Variants in HEATR5B observed in about 807,000 individuals in gnomAD.
HEATR5B encodes the protein HEAT repeat containing 5B, also known as HEAT repeat-containing protein 5B.
A neutral mutation model predicts 224.1 loss-of-function variants in HEATR5B; 156 were observed. That is an observed-to-expected ratio of 0.70 (90% CI 0.61 to 0.80). The LOEUF is 0.80. Among genes scored for constraint, HEATR5B ranks in the 30% least tolerant of loss-of-function variants. The probability of loss-of-function intolerance (pLI) is 0.00; values close to 1 mark genes in which losing one functional copy is unlikely to be tolerated. For synonymous variants in HEATR5B, 1,027 were observed against 893.0 expected (o/e 1.15, Z -2.68); for missense variants, 2,323 against 2,535.5 (o/e 0.92, Z 1.80).
In HEATR5B at chr2:37,028,929, T is replaced by C. The variant is rs761864303; in HGVS notation, c.3362-9A>G. 2.5e-6 allele frequency: 4 copies of C among 1,611,972 alleles called. No homozygotes were observed. The highest frequency in any genetic ancestry group is 1.3e-5 in the African/African-American group (1 of 74,888). ...GGCAAAAGGACTGACATCTGAAAGG[T>C]AATTTTTACAAATGAATTTGTATGG... On this transcript the variant is annotated splice_polypyrimidine_tract_variant and intron_variant, in intron 22 of 35. Coordinates refer to ENST00000233099, the MANE Select transcript of HEATR5B (RefSeq NM_019024.3).
chr2:37,083,593 G>A (rs1672761672), intron 1 of HEATR5B, among the ~76,000 whole-genome samples, 157 bp from the exon 2 acceptor site: 1 of 152,082 alleles, frequency 6.6e-6, no homozygotes, highest in Non-Finnish European at 1.5e-5. Flanking sequence ...ACTTTTAAAT[G>A]ACAAAAATAC....
intron 35 of HEATR5B, among the ~76,000 whole-genome samples, chr2:36,986,861 C>T (rs572236999): frequency 6.6e-5 from 10 of 152,210 alleles, no homozygotes; most frequent in African/African-American, 2.2e-4. Flanking sequence ...AGATGATCTG[C>T]CTGCCTTGGC....
At chr2:37,053,417 C>G in intron 17 of HEATR5B, 85 bp downstream of exon 17, 1 of 642,192 alleles carries the variant, frequency 1.6e-6, no homozygotes, top group Non-Finnish European at 2.6e-6. Flanking sequence ...TACATATAAA[C>G]ATTATAATAA....
Position 37,028,055 on chromosome 2 carries a change from C to G in HEATR5B, c.3721G>C (p.Val1241Leu). The G allele has an allele frequency of 6.2e-7, 1 of 1,614,158 alleles. No homozygotes were observed. Among genetic ancestry groups the G allele is most frequent in the Non-Finnish European group, 8.5e-7 (1 of 1,180,004 alleles). The change falls in exon 24 of 36, where the codon GTG becomes CTG. Residue 1241 changes from valine to leucine, a missense_variant. By Grantham distance (32) the Val-to-Leu change is conservative. Coordinates refer to ENST00000233099, the MANE Select transcript of HEATR5B (RefSeq NM_019024.3). ...LGEEDKSKPF[V>L]APRWATRVFA... is the part of the protein sequence containing the mutation. ...ACTCGAGTGGCCCAGCGAGGGGCCA[C>G]AAAGGGCTTTGATTTATCTTCTTCA...
chr2:37,007,042 A>C lies in HEATR5B; in HGVS notation c.4777+8T>G. ...TAATCTTGAAATATATTAATATGAC[A>C]GACCTACCTAAAATCAGATGCATTC... On this transcript the variant is annotated splice_region_variant and intron_variant, in intron 29 of 35. Coordinates refer to ENST00000233099, the MANE Select transcript of HEATR5B (RefSeq NM_019024.3). 6.2e-7 allele frequency: 1 copy of C among 1,612,912 alleles called. No individual in the cohort carries two copies. Among genetic ancestry groups the C allele is most frequent in the South Asian group, 1.1e-5 (1 of 91,026 alleles).
Position 37,054,480 on chromosome 2 carries a change from A to ATTT in HEATR5B, c.2400-876_2400-874dup, listed in dbSNP as rs11433192. Among the ~76,000 whole-genome samples the ATTT allele has an allele frequency of 5.9e-3, 442 of 75,196 alleles. 17 individuals are homozygous for ATTT. The highest frequency in any genetic ancestry group is 0.015 in the African/African-American group (252 of 17,100). The allele number at this position is 75,196 out of a possible 152,430, so 49.3% of individuals were successfully genotyped here. A position where few individuals can be genotyped will look rare whatever the true frequency, so the allele number is the denominator to read the frequency against. ...ACAGGCGTGAGCCACTGTGCTCTGC[A>ATTT]TTTTTTTTTTTTTTTTTTTTTGAGA... On this transcript the variant is annotated intron_variant, in intron 16 of 35. Coordinates refer to ENST00000233099, the MANE Select transcript of HEATR5B (RefSeq NM_019024.3).
chr2:37,063,397 G>A (rs915523092), intron 10 of HEATR5B, among the ~76,000 whole-genome samples: 3 of 152,014 alleles, frequency 2.0e-5, no homozygotes, highest in African/African-American at 7.3e-5. Flanking sequence ...TTGAATGAAC[G>A]GCGGAATGAA....
At chr2:37,046,866 A>G (rs1184367723) in intron 18 of HEATR5B, among the ~76,000 whole-genome samples, 3 of 151,352 alleles carry the variant, frequency 2.0e-5, no homozygotes, top group African/African-American at 7.3e-5. Context: ...CCTGGCCAAC[A>G]TGGTGAAACG....
At position 37,019,918 on chromosome 2, in the gene HEATR5B, T is replaced by G. The variant is rs760445642; in HGVS notation, c.4036-41A>C. On this transcript the variant is annotated intron_variant, in intron 25 of 35. Coordinates refer to ENST00000233099, the MANE Select transcript of HEATR5B (RefSeq NM_019024.3). ...AAGCATTTTATTTTTTACTTTTATT[T>G]TTTGAGACACGGTCTTACTCTATCA... is the stretch of plus-strand genomic sequence containing the variant. The G allele has an allele frequency of 5.6e-6, 8 of 1,420,970 alleles. No homozygotes were observed. The South Asian group carries it at 8.1e-5, about 14-fold the overall frequency. The allele number at this position is 1,420,970 out of a possible 1,614,324, so 88.0% of individuals were successfully genotyped here. A position where few individuals can be genotyped will look rare whatever the true frequency, so the allele number is the denominator to read the frequency against.
At chr2:37,032,536 T>A in intron 22 of HEATR5B, 93 bp downstream of exon 22, 1 of 1,045,498 alleles carries the variant, frequency 9.6e-7, no homozygotes, top group Non-Finnish European at 1.4e-6. Context: ...TCTGGCCACA[T>A]TGCAACAGAA....
chr2:37,078,534 A>C (rs1471842469), intron 3 of HEATR5B, among the ~76,000 whole-genome samples: 1 of 152,226 alleles, frequency 6.6e-6, no homozygotes, highest in Non-Finnish European at 1.5e-5. Context: ...AACAAACTAG[A>C]AAGTACTGGT....
chr2:37,051,033 A>C (rs1670509415), intron 17 of HEATR5B, among the ~76,000 whole-genome samples: 1 of 151,896 alleles, frequency 6.6e-6, no homozygotes, highest in African/African-American at 2.4e-5. Context: ...CGACAGAGTG[A>C]GACTCCGTCT....
chr2:36,989,840 G>C (rs1378574712), intron 34 of HEATR5B, among the ~76,000 whole-genome samples: 1 of 150,698 alleles, frequency 6.6e-6, no homozygotes, highest in Non-Finnish European at 1.5e-5. Context: ...ACAGATCTTG[G>C]AGCCACCTAT....
intron 24 of HEATR5B, among the ~76,000 whole-genome samples, chr2:37,021,061 T>C (rs528203927): frequency 6.9e-6 from 1 of 145,604 alleles, no homozygotes; most frequent in South Asian, 2.2e-4. Flanking sequence ...GGACTTACAA[T>C]GATATGTTAT....
chr2:37,006,813 A>G (rs1182260166), intron 29 of HEATR5B, among the ~76,000 whole-genome samples: 3 of 152,170 alleles, frequency 2.0e-5, no homozygotes, highest in African/African-American at 7.2e-5. Context: ...TTTACTGAAA[A>G]TTGTTCGATA....
intron 18 of HEATR5B, among the ~76,000 whole-genome samples, chr2:37,043,894 C>T (rs888715256): frequency 6.6e-6 from 1 of 152,022 alleles, no homozygotes; most frequent in African/African-American, 2.4e-5. Context: ...CTCCAGAAGA[C>T]AAAAAGGAAA....
chr2:37,021,598 C>T (rs998694464), intron 24 of HEATR5B, among the ~76,000 whole-genome samples: 64 of 152,180 alleles, frequency 4.2e-4, no homozygotes, highest in African/African-American at 1.4e-3. Flanking sequence ...TGTAGATTCA[C>T]TGAGGCTAGG....
chr2:37,030,336 CT>C (rs142966610), intron 22 of HEATR5B, among the ~76,000 whole-genome samples: 1 of 151,916 alleles, frequency 6.6e-6, no homozygotes, highest in Non-Finnish European at 1.5e-5. Flanking sequence ...GGCACAGAGA[CT>C]TTTTTTTCAC....
chr2:36,989,899 CTT>C (rs766148486), intron 34 of HEATR5B, among the ~76,000 whole-genome samples: 22 of 88,908 alleles, frequency 2.5e-4, no homozygotes, highest in South Asian at 1.7e-3. Context: ...AGAATGTTTC[CTT>C]TTTTTTTTTT....
Sources: allele counts gnomAD v4.1 joint callset (sites outside exome capture counted in the v4.1 genomes callset), GRCh38; gene constraint gnomAD v4.1.1; transcripts MANE v1.5; gene names NCBI Gene and HGNC (gene_info 2026-07-23, HGNC 2026-07-21).